Variants in USP49 observed in about 807,000 individuals in gnomAD.
USP49 encodes ubiquitin carboxyl-terminal hydrolase 49.
USP49 carries 24 observed loss-of-function variants against 58.6 expected under a neutral mutation model. The observed-to-expected ratio is 0.41, with a 90% confidence interval of 0.30 to 0.58. The LOEUF (loss-of-function observed/expected upper bound fraction) is 0.58. Ranked by LOEUF, USP49 falls within the 20% of genes least tolerant of loss-of-function variation. The probability of loss-of-function intolerance (pLI) is 0.30; values close to 1 mark genes in which losing one functional copy is unlikely to be tolerated. For missense variants in USP49, 703 were observed against 866.1 expected (o/e 0.81, Z 2.36); for synonymous variants, 408 against 365.1 (o/e 1.12, Z -1.34).
At position 41,802,456 on chromosome 6, in the gene USP49, A is replaced by ATTTTTTTTTTTTTTTTTTTTTT. The variant is rs1186521851; in HGVS notation, c.1561+1349_1561+1350insAAAAAAAAAAAAAAAAAAAAAA. ...TATTTATTTATTTATTTATTTATTT[A>ATTTTTTTTTTTTTTTTTTTTTT]TTTATTTATTTATTTTTTATTTATT... On this transcript the variant is annotated intron_variant, in intron 5 of 7. Coordinates refer to ENST00000682992, the MANE Select transcript of USP49 (RefSeq NM_001286554.2). 5.7e-5 allele frequency among the ~76,000 whole-genome samples: 4 copies of ATTTTTTTTTTTTTTTTTTTTTT among 70,294 alleles called. 1 individual carries two copies. Among genetic ancestry groups the ATTTTTTTTTTTTTTTTTTTTTT allele is most frequent in the African/African-American group, 2.3e-4 (4 of 17,112 alleles). 46.1% of individuals were successfully genotyped at this position (70,294 alleles called of 152,430 possible).
chr6:41,851,343 T>C (rs1015636436), intron 3 of USP49, among the ~76,000 whole-genome samples: 4 of 152,180 alleles, frequency 2.6e-5, no homozygotes, highest in Non-Finnish European at 5.9e-5. Flanking sequence ...TGAATATCAA[T>C]CAATGTAACA....
intron 2 of USP49, among the ~76,000 whole-genome samples, chr6:41,873,543 A>C (rs1249395422): frequency 6.6e-6 from 1 of 152,230 alleles, no homozygotes; most frequent in South Asian, 2.1e-4. Flanking sequence ...CTAAGCTGAC[A>C]CTTTATGGAC....
intron 1 of USP49, 45 bp downstream of exon 1, chr6:41,895,279 G>C (rs1582044853): frequency 9.0e-6 from 1 of 110,742 alleles, no homozygotes; most frequent in Non-Finnish European, 1.8e-5. Context: ...CCACTTTGCT[G>C]CCTCCCCACC....
At chr6:41,804,245 C>G (rs1002920513) in intron 4 of USP49, among the ~76,000 whole-genome samples, 1 of 152,180 alleles carries the variant, frequency 6.6e-6, no homozygotes, top group African/African-American at 2.4e-5. Context: ...AGAGACTATA[C>G]TAACCCCCCT....
At chr6:41,868,412 C>T (rs915798204) in intron 3 of USP49, among the ~76,000 whole-genome samples, 3 of 152,184 alleles carry the variant, frequency 2.0e-5, no homozygotes, top group African/African-American at 7.2e-5. Flanking sequence ...ACTGCAACCT[C>T]CGCCTCCCGG....
intron 2 of USP49, among the ~76,000 whole-genome samples, chr6:41,881,044 T>C (rs1774594736): frequency 1.3e-5 from 2 of 152,032 alleles, no homozygotes; most frequent in Admixed American, 6.6e-5. Context: ...CCAATTCTCC[T>C]GCCTCAGCCT....
chr6:41,891,007 C>T (rs1362935699), intron 2 of USP49, among the ~76,000 whole-genome samples: 5 of 152,174 alleles, frequency 3.3e-5, no homozygotes, highest in Non-Finnish European at 7.3e-5. Context: ...ATGCAACAAC[C>T]TTGATGTAAT....
chr6:41,798,587 A>G, intron 7 of USP49, 137 bp downstream of exon 7: 1 of 1,572,548 alleles, frequency 6.4e-7, no homozygotes, highest in South Asian at 1.2e-5. Flanking sequence ...AATTTTCACA[A>G]TTCTTTCCAC....
intron 5 of USP49, among the ~76,000 whole-genome samples, chr6:41,802,433 TTTATTTATTTA>T (rs1388515304): frequency 5.0e-4 from 28 of 56,030 alleles, no homozygotes; most frequent in African/African-American, 1.3e-3. Flanking sequence ...TTTTATTTTA[TTTATTTATTTA>T]TTTATTTATT....
At chr6:41,870,286 A>C (rs1283519926) in intron 3 of USP49, among the ~76,000 whole-genome samples, 1 of 152,216 alleles carries the variant, frequency 6.6e-6, no homozygotes, top group Admixed American at 6.5e-5. Flanking sequence ...CAGAGATAAC[A>C]TGTCCAAATG....
At chr6:41,852,091 C>T (rs989064770) in intron 3 of USP49, among the ~76,000 whole-genome samples, 3 of 151,660 alleles carry the variant, frequency 2.0e-5, no homozygotes, top group South Asian at 2.1e-4. Context: ...TTTGGGTGGA[C>T]GAGGAGGGCG....
intron 5 of USP49, among the ~76,000 whole-genome samples, chr6:41,802,585 C>A (rs994996697): frequency 4.1e-5 from 6 of 146,200 alleles, no homozygotes; most frequent in African/African-American, 1.5e-4. Flanking sequence ...TGAGCCACTG[C>A]ACCTGGCCTA....
At position 41,794,096 on chromosome 6, in the gene USP49, A is replaced by G. The variant is rs1310771829; in HGVS notation, c.*2437T>C. 2 of 151,978 alleles carry G rather than the reference A, an allele frequency of 1.3e-5. No individual in the cohort carries two copies. Among genetic ancestry groups the G allele is most frequent in the Non-Finnish European group, 2.9e-5 (2 of 67,992 alleles). The allele number at this position is 151,978 out of a possible 1,614,324, so 9.4% of individuals were successfully genotyped here. A position where few individuals can be genotyped will look rare whatever the true frequency, so the allele number is the denominator to read the frequency against. ...TAGCCATTGGCTTATGCAGCAGGGA[A>G]CTCTTCTTTAATAAAAATCTCCTTA... On this transcript the variant is annotated 3_prime_UTR_variant, in exon 8 of 8. Coordinates refer to ENST00000682992, the MANE Select transcript of USP49 (RefSeq NM_001286554.2).
At chr6:41,853,999 CGA>C (rs1774079739) in intron 3 of USP49, among the ~76,000 whole-genome samples, 9 of 58,868 alleles carry the variant, frequency 1.5e-4, no homozygotes, top group African/African-American at 2.6e-4. Context: ...GACTCTGTCT[CGA>C]AAAAAAAAAA....
At chr6:41,854,162 C>CA (rs979621292) in intron 3 of USP49, among the ~76,000 whole-genome samples, 9 of 150,820 alleles carry the variant, frequency 6.0e-5, no homozygotes, top group African/African-American at 1.9e-4. Flanking sequence ...ACTAAAAATA[C>CA]AAAAAATACC....
chr6:41,826,881 C>T (rs1204721077), intron 3 of USP49, among the ~76,000 whole-genome samples: 2 of 152,098 alleles, frequency 1.3e-5, no homozygotes, highest in East Asian at 1.9e-4. Flanking sequence ...ATCCTCTGAC[C>T]AATGGTTAGG....
intron 2 of USP49, among the ~76,000 whole-genome samples, chr6:41,875,487 A>G (rs1049613189): frequency 3.2e-4 from 48 of 152,176 alleles, no homozygotes; most frequent in Admixed American, 1.2e-3. Flanking sequence ...ATGTCTGAAA[A>G]AGTACCTTGT....
intron 3 of USP49, among the ~76,000 whole-genome samples, chr6:41,809,884 G>C: frequency 6.6e-6 from 1 of 151,018 alleles, no homozygotes; most frequent in Admixed American, 6.6e-5. Context: ...GGGCGCGGTG[G>C]CTCACGCCTG....
intron 3 of USP49, among the ~76,000 whole-genome samples, chr6:41,824,672 C>A (rs952082435): frequency 3.9e-5 from 6 of 152,164 alleles, no homozygotes; most frequent in Admixed American, 3.9e-4. Flanking sequence ...CGCCATTGCA[C>A]TCCAGCCTGG....
Sources: allele counts gnomAD v4.1 joint callset (sites outside exome capture counted in the v4.1 genomes callset), GRCh38; gene constraint gnomAD v4.1.1; transcripts MANE v1.5; gene names NCBI Gene and HGNC (gene_info 2026-07-23, HGNC 2026-07-21).